The following SYPL2 variants were observed in gnomAD, a reference collection of about 807,000 sequenced individuals.
SYPL2 encodes synaptophysin like 2.
SYPL2 carries 24 observed loss-of-function variants against 31.3 expected under a neutral mutation model. The observed-to-expected ratio is 0.77, with a 90% CI of 0.56 to 1.08. The LOEUF (loss-of-function observed/expected upper bound fraction) is 1.08. Among genes scored for constraint, SYPL2 ranks in the 50% least tolerant of loss-of-function variants. The probability of loss-of-function intolerance (pLI) is 0.00; values close to 1 mark genes in which losing one functional copy is unlikely to be tolerated. For synonymous variants in SYPL2, 144 were observed against 143.1 expected (o/e 1.01, Z -0.05); for missense variants, 342 against 360.1 (o/e 0.95, Z 0.41).
At chr1:109,467,235 G>A (rs1655678061) in intron 2 of SYPL2, 102 bp downstream of exon 2, 2 of 918,350 alleles carry the variant, frequency 2.2e-6, no homozygotes, top group South Asian at 3.6e-5. Flanking sequence ...GCTGCGGCCG[G>A]GCCACGGCGG....
chr1:109,480,398 A>G lies in SYPL2; in HGVS notation c.*850A>G, dbSNP rs1656129235. On this transcript the variant is annotated 3_prime_UTR_variant, in exon 6 of 6. Coordinates refer to ENST00000369872, the MANE Select transcript of SYPL2 (RefSeq NM_001040709.2). ...CCTCCTTCTTGGTCTCACACTTGGGACTCAAAAATGTGGAGTCAGGACCTG... is the reference window on the plus strand; with the variant it reads ...CCTCCTTCTTGGTCTCACACTTGGGGCTCAAAAATGTGGAGTCAGGACCTG... The G allele has an allele frequency of 6.6e-6, 1 of 151,960 alleles. No homozygotes were observed. Among genetic ancestry groups the G allele is most frequent in the Non-Finnish European group, 1.5e-5 (1 of 67,998 alleles). 9.4% of individuals were successfully genotyped at this position (151,960 alleles called of 1,614,324 possible). A position where few individuals can be genotyped will look rare whatever the true frequency, so the allele number is the denominator to read the frequency against.
intron 2 of SYPL2, among the ~76,000 whole-genome samples, chr1:109,470,632 T>C (rs1655804028): frequency 6.6e-6 from 1 of 152,184 alleles, no homozygotes; most frequent in Non-Finnish European, 1.5e-5. Context: ...TATAACCAGT[T>C]TGCTCATCTC....
rs868064524 is a variant in SYPL2 at position 109,476,875 on chromosome 1, C to T, written c.354C>T (p.Phe118=). Residue 118 remains phenylalanine (F), a synonymous_variant, in exon 4 of 6, where the codon TTC becomes TTT. Transcript: ENST00000369872. ...ACTTCTCTGCACCCGCCGAGTTCTT[C>T]GTGACCCTTGGCATCTTTTCCTTCT... ...MGDFSAPAEF[F]VTLGIFSFFY... The T allele has an allele frequency of 4.0e-5, 64 of 1,614,120 alleles. 3 individuals carry two copies. In the Middle Eastern group the frequency reaches 7.7e-3, roughly 195 times the overall value.
chr1:109,477,508 G>C (rs569996475), intron 4 of SYPL2, among the ~76,000 whole-genome samples: 114 of 152,278 alleles, frequency 7.5e-4, no homozygotes, highest in Non-Finnish European at 1.4e-3. Flanking sequence ...AAAGCTGGGA[G>C]GGAAGAGTGG....
chr1:109,469,412 A>G (rs1309178550), intron 2 of SYPL2, among the ~76,000 whole-genome samples: 1 of 151,740 alleles, frequency 6.6e-6, no homozygotes, highest in Admixed American at 6.6e-5. Context: ...TCTCACCTCA[A>G]TTCCAATTCT....
Position 109,478,011 on chromosome 1 carries a change from TG to T in SYPL2, c.648+3del, listed in dbSNP as rs1467490545. The T allele has an allele frequency of 1.2e-6, 2 of 1,613,744 alleles. No homozygotes were observed. Among genetic ancestry groups the T allele is most frequent in the Non-Finnish European group, 1.7e-6 (2 of 1,179,960 alleles). On this transcript the variant is annotated splice_donor_region_variant and intron_variant, in intron 5 of 5. Coordinates refer to ENST00000369872, the MANE Select transcript of SYPL2 (RefSeq NM_001040709.2). The surrounding 1 kb of genome is among the most constrained non-coding windows in gnomAD (Gnocchi z 4.0). The stretch of plus-strand genomic sequence containing the variant: ...ATGGGCCTGGCCAACATCTCCGTGG[TG>T]AGACCTGTGGCCACTGCAGGAAGCA...
intron 3 of SYPL2, 27 bp from the exon 4 acceptor site, chr1:109,476,749 C>T (rs1254388316): frequency 1.9e-6 from 3 of 1,610,598 alleles, no homozygotes; most frequent in Middle Eastern, 1.7e-4. Flanking sequence ...TGCCTGAGCT[C>T]AGGATGGCCT....
rs764541999 is a variant in SYPL2 at position 109,476,853 on chromosome 1, T to A, written c.332T>A (p.Phe111Tyr). 11 of 1,614,088 alleles carry A rather than the reference T, an allele frequency of 6.8e-6. No homozygotes were observed. The Admixed American group carries it at 1.2e-4, about 17-fold the overall frequency. ...SSKTMHLMGD[F>Y]SAPAEFFVTL... ...AAGACCATGCACCTCATGGGGGACT[T>A]CTCTGCACCCGCCGAGTTCTTCGTG... The change falls in exon 4 of 6, where the codon TTC becomes TAC. Residue 111 changes from phenylalanine (F) to tyrosine (Y), a missense_variant. Phe to Tyr is a conservative substitution (Grantham distance 22, BLOSUM62 3). Transcript: ENST00000369872.
chr1:109,467,560 A>C (rs1437909785), intron 2 of SYPL2, among the ~76,000 whole-genome samples: 3 of 151,970 alleles, frequency 2.0e-5, no homozygotes, highest in African/African-American at 7.3e-5. Context: ...AGGCGATGGA[A>C]ACCGTCCTGC....
chr1:109,469,762 C>G (rs1225102274), intron 2 of SYPL2, among the ~76,000 whole-genome samples: 1 of 137,210 alleles, frequency 7.3e-6, no homozygotes, highest in Non-Finnish European at 1.5e-5. Context: ...GATCATTGAG[C>G]CCAGGAGGTC....
chr1:109,474,583 C>T (rs1655940989), intron 2 of SYPL2, among the ~76,000 whole-genome samples: 1 of 152,006 alleles, frequency 6.6e-6, no homozygotes, highest in Non-Finnish European at 1.5e-5. Context: ...TCAAATGATC[C>T]ACCCGCCTCA....
At position 109,481,304 on chromosome 1, in the gene SYPL2, G is replaced by C. The variant is rs1656154025; in HGVS notation, c.*1756G>C. ...TTGAGGAGGAAAGAAAGGAGATGGG[G>C]TGAGAGGGTTTTTAAGTCTGAAACT... On this transcript the variant is annotated 3_prime_UTR_variant, in exon 6 of 6. Transcript: ENST00000369872. 6.6e-6 allele frequency: 1 copy of C among 152,648 alleles called. No individual in the cohort carries two copies. The highest frequency in any genetic ancestry group is 1.5e-5 in the Non-Finnish European group (1 of 68,050). 9.5% of individuals were successfully genotyped at this position (152,648 alleles called of 1,614,324 possible).
chr1:109,468,540 T>C (rs931364615), intron 2 of SYPL2, among the ~76,000 whole-genome samples: 2 of 152,214 alleles, frequency 1.3e-5, no homozygotes, highest in African/African-American at 4.8e-5. Flanking sequence ...TTCCCTGTTC[T>C]GATCCACCAC....
At chr1:109,476,729 G>A (rs1304384192) in intron 3 of SYPL2, 47 bp from the exon 4 acceptor site, 11 of 1,586,028 alleles carry the variant, frequency 6.9e-6, no homozygotes, top group South Asian at 1.1e-5. Context: ...GGGCCAGGGA[G>A]AGAGAGGATT....
chr1:109,479,390 A>G lies in SYPL2; in HGVS notation c.661A>G (p.Ile221Val). Residue 221 changes from isoleucine to valine, a missense_variant, in exon 6 of 6, where the codon ATC becomes GTC. Ile to Val is a conservative substitution (Grantham distance 29). Transcript: ENST00000369872. ...GATGTCTTTGCAGCTCTTTGGCTTTATCAACTTCTTCCTGTGGGCCGGGAA... is the reference window on the plus strand; with the variant it reads ...GATGTCTTTGCAGCTCTTTGGCTTTGTCAACTTCTTCCTGTGGGCCGGGAA... Reference protein sequence around the residue: ...LANISVLFGFINFFLWAGNCW... With the variant: ...LANISVLFGFVNFFLWAGNCW... The G allele has an allele frequency of 6.2e-7, 1 of 1,613,650 alleles. No individual in the cohort carries two copies. Among genetic ancestry groups the G allele is most frequent in the Non-Finnish European group, 8.5e-7 (1 of 1,179,942 alleles).
rs1377059482 is a variant in SYPL2, at chr1:109,477,823, C to G, written c.462C>G (p.Phe154Leu). ...CATCCCTCTGCTCCTCCCAGGACTT[C>G]TGTGTGACTGTCTCCTTCACCTTCT... is the stretch of plus-strand genomic sequence containing the variant. ...TENKRFPLVDFCVTVSFTFFW... is the reference protein window; with the variant it reads ...TENKRFPLVDLCVTVSFTFFW... Residue 154 changes from phenylalanine (F) to leucine (L), a missense_variant, in exon 5 of 6, where the codon TTC becomes TTG. By Grantham distance (22) the Phe-to-Leu change is conservative (BLOSUM62 0). Transcript: ENST00000369872. 2.5e-6 allele frequency: 4 copies of G among 1,606,396 alleles called. No individual in the cohort carries two copies. The African/African-American group carries it at 4.0e-5, about 16-fold the overall frequency.
Position 109,466,666 on chromosome 1 carries a change from C to A in SYPL2, c.-178C>A, listed in dbSNP as rs889562001. 8 of 554,774 alleles carry A rather than the reference C, an allele frequency of 1.4e-5. No individual in the cohort carries two copies. In the African/African-American group the frequency reaches 1.6e-4, roughly 11 times the overall value. The allele number at this position is 554,774 out of a possible 1,614,324, so 34.4% of individuals were successfully genotyped here. ...CTGAGAGCACGAACAGCAGCGCCCCCGCGTCCCAGCCAGCCAGCCAGCCAG... is the reference window on the plus strand; with the variant it reads ...CTGAGAGCACGAACAGCAGCGCCCCAGCGTCCCAGCCAGCCAGCCAGCCAG... On this transcript the variant is annotated 5_prime_UTR_variant, in exon 1 of 6. Transcript: ENST00000369872.
In SYPL2 at chr1:109,479,581, C is replaced by G. The variant is rs190893479; in HGVS notation, c.*33C>G. On this transcript the variant is annotated 3_prime_UTR_variant, in exon 6 of 6. Transcript: ENST00000369872. ...CCCACCTGGCTATTCCCGAACTGGA[C>G]AGCACCTCTTCAACCACCTCCGGCT... 1 of 1,597,592 alleles carries G rather than the reference C, an allele frequency of 6.3e-7. No individual in the cohort carries two copies. Among genetic ancestry groups the G allele is most frequent in the Non-Finnish European group, 8.6e-7 (1 of 1,169,106 alleles).
Position 109,476,863 on chromosome 1 carries a change from C to A in SYPL2, c.342C>A (p.Pro114=), listed in dbSNP as rs767485624. 13 of 1,614,224 alleles carry A rather than the reference C, an allele frequency of 8.1e-6. No homozygotes were observed. The highest frequency in any genetic ancestry group is 1.1e-5 in the Non-Finnish European group (13 of 1,180,040). Residue 114 remains proline (P), a synonymous_variant, in exon 4 of 6, where the codon CCC becomes CCA. Coordinates refer to ENST00000369872, the MANE Select transcript of SYPL2 (RefSeq NM_001040709.2). ...ACCTCATGGGGGACTTCTCTGCACCCGCCGAGTTCTTCGTGACCCTTGGCA... is the reference window on the plus strand; with the variant it reads ...ACCTCATGGGGGACTTCTCTGCACCAGCCGAGTTCTTCGTGACCCTTGGCA... ...TMHLMGDFSA[P]AEFFVTLGIF... is the part of the protein sequence containing the mutation.
Sources: gnomAD v4.1 joint callset for allele counts (sites outside exome capture counted in the v4.1 genomes callset) on GRCh38, gnomAD v4.1.1 for gene constraint, Gnocchi (gnomAD v3.1) non-coding constraint, MANE v1.5 for transcripts, NCBI Gene and HGNC (gene_info 2026-07-23, HGNC 2026-07-21) for gene names.